Variants in CLCN5 observed in about 807,000 individuals in gnomAD.
CLCN5 encodes the protein H(+)/Cl(-) exchange transporter 5.
A neutral mutation model predicts 54.0 loss-of-function variants in CLCN5; 17 were observed. That is an observed-to-expected ratio of 0.31 (90% CI 0.22 to 0.47). The LOEUF (loss-of-function observed/expected upper bound fraction) is 0.47. Among genes scored for constraint, CLCN5 ranks in the 20% least tolerant of loss-of-function variants. CLCN5 has a pLI of 1.00. For missense variants in CLCN5, 448 were observed against 646.7 expected (o/e 0.69, Z 3.33); for synonymous variants, 222 against 233.0 (o/e 0.95, Z 0.43).
At chrX:49,934,570 C>A (rs782060215) in intron 3 of CLCN5, among the ~76,000 whole-genome samples, 3 of 111,515 alleles carry the variant, frequency 2.7e-5, no homozygotes, top group Non-Finnish European at 5.6e-5. Flanking sequence ...ATTTTCAACC[C>A]AATACCATTC....
chrX:50,072,729 A>G (rs1431455507), intron 6 of CLCN5, 141 bp downstream of exon 6: 6 of 511,716 alleles, frequency 1.2e-5, no homozygotes, highest in East Asian at 1.1e-4. Context: ...TAGAAGCTCA[A>G]TGTCCCCATC....
chrX:49,945,895 T>C (rs1926707274), intron 3 of CLCN5, among the ~76,000 whole-genome samples: 1 of 108,989 alleles, frequency 9.2e-6, no homozygotes, highest in Non-Finnish European at 1.9e-5. Context: ...TAGCTGGGAC[T>C]ACAGGCACAC....
At chrX:49,999,249 C>T (rs995784970) in intron 3 of CLCN5, among the ~76,000 whole-genome samples, 11 of 111,000 alleles carry the variant, frequency 9.9e-5, no homozygotes, top group African/African-American at 3.6e-4. Context: ...ACCTGTTTGT[C>T]TCACATGCCT....
intron 4 of CLCN5, among the ~76,000 whole-genome samples, chrX:50,051,621 A>G (rs1221677857): frequency 1.8e-5 from 2 of 112,238 alleles, no homozygotes; most frequent in African/African-American, 3.2e-5. Context: ...TGAAATCTCA[A>G]TAATACTGAG....
intron 12 of CLCN5, among the ~76,000 whole-genome samples, chrX:50,089,364 A>G (rs782283648): frequency 8.9e-6 from 1 of 112,474 alleles, no homozygotes; most frequent in South Asian, 3.7e-4. Flanking sequence ...TAGAGGGGGA[A>G]ACATGGCAGA....
At chrX:50,016,964 T>C (rs782344616) in intron 3 of CLCN5, among the ~76,000 whole-genome samples, 2 of 111,610 alleles carry the variant, frequency 1.8e-5, no homozygotes, top group East Asian at 5.6e-4. Context: ...GTAACCAGCT[T>C]ATTTCTTTTT....
chrX:50,026,385 G>A (rs146845848), intron 3 of CLCN5, among the ~76,000 whole-genome samples: 1,748 of 111,743 alleles, frequency 0.016, 31 homozygotes, highest in African/African-American at 0.054. Flanking sequence ...ACTTGATCTA[G>A]TTGATGGATG....
chrX:50,094,758 G>A lies in CLCN5; in HGVS notation c.*2539G>A, dbSNP rs899604073. 1.8e-5 allele frequency: 2 copies of A among 112,526 alleles called. No individual in the cohort carries two copies. Among genetic ancestry groups the A allele is most frequent in the South Asian group, 3.7e-4 (1 of 2,700 alleles). The allele number at this position is 112,526 out of a possible 1,213,427, so 9.3% of individuals were successfully genotyped here. On this transcript the variant is annotated 3_prime_UTR_variant, in exon 15 of 15. Transcript: ENST00000376091. ...CTCATTCATTAACCTCAGCTTCTCA[G>A]GAATCCTTGTAGCTTGTATGCTAGA...
At chrX:49,949,515 G>A in intron 3 of CLCN5, among the ~76,000 whole-genome samples, 1 of 111,811 alleles carries the variant, frequency 8.9e-6, no homozygotes, top group South Asian at 3.8e-4. Flanking sequence ...CAGATAGATG[G>A]ACAATTTATT....
intron 14 of CLCN5, among the ~76,000 whole-genome samples, chrX:50,091,652 T>C (rs782069030): frequency 1.4e-4 from 16 of 111,630 alleles, no homozygotes; most frequent in Admixed American, 1.2e-3. Flanking sequence ...ATAAGACCCT[T>C]CTGTGCCCTC....
chrX:50,012,217 A>C (rs1256417857), intron 3 of CLCN5, among the ~76,000 whole-genome samples: 1 of 111,583 alleles, frequency 9.0e-6, no homozygotes, highest in African/African-American at 3.3e-5. Context: ...CTAGAGAACT[A>C]CAAAAGGTGT....
At chrX:50,054,299 G>C (rs1557188678) in intron 4 of CLCN5, 1 of 111,489 alleles carries the variant, frequency 9.0e-6, no homozygotes, top group Non-Finnish European at 1.9e-5. Flanking sequence ...GAGATAAGAA[G>C]GCTAGATGGG....
intron 3 of CLCN5, among the ~76,000 whole-genome samples, chrX:49,942,589 G>A (rs1272892389): frequency 1.1e-5 from 1 of 90,856 alleles, no homozygotes; most frequent in Non-Finnish European, 2.1e-5. Context: ...GGTGTGTGAT[G>A]TTCCCCTTCC....
intron 3 of CLCN5, among the ~76,000 whole-genome samples, chrX:50,039,092 A>G (rs1557186836): frequency 9.0e-6 from 1 of 111,293 alleles, no homozygotes; most frequent in Non-Finnish European, 1.9e-5. Context: ...CAGCCTGGCC[A>G]AAATAGTGAG....
intron 4 of CLCN5, among the ~76,000 whole-genome samples, chrX:50,044,218 A>G (rs1271696426): frequency 8.9e-6 from 1 of 111,771 alleles, no homozygotes; most frequent in Non-Finnish European, 1.9e-5. Flanking sequence ...TATTATTGCT[A>G]CAACCCTGTA....
chrX:50,001,323 T>A lies in CLCN5; in HGVS notation c.17-40993T>A, dbSNP rs782620942. The stretch of plus-strand genomic sequence containing the variant: ...CACATATCCTGTCTAAAAATAATTT[T>A]AAAAATTAAAAAGCACTACCTTCTC... On this transcript the variant is annotated intron_variant, in intron 3 of 14. Transcript: ENST00000376091. 5.4e-5 allele frequency among the ~76,000 whole-genome samples: 6 copies of A among 110,875 alleles called. No individual in the cohort carries two copies. In the South Asian group the frequency reaches 2.4e-3, roughly 44 times the overall value.
intron 3 of CLCN5, among the ~76,000 whole-genome samples, chrX:50,031,824 T>C (rs1557185884): frequency 9.4e-6 from 1 of 106,021 alleles, no homozygotes; most frequent in Non-Finnish European, 1.9e-5. Flanking sequence ...ACCCATTAAC[T>C]CGTCATTTAG....
At chrX:49,981,372 A>G (rs1928721911) in intron 3 of CLCN5, among the ~76,000 whole-genome samples, 1 of 111,493 alleles carries the variant, frequency 9.0e-6, no homozygotes, top group Non-Finnish European at 1.9e-5. Flanking sequence ...CCTGTCTCTG[A>G]GCCTTACACA....
At chrX:49,966,620 A>AT (rs1557175500) in intron 3 of CLCN5, among the ~76,000 whole-genome samples, 4 of 18,359 alleles carry the variant, frequency 2.2e-4, no homozygotes, top group Admixed American at 1.6e-3. Flanking sequence ...TTATTTTTTT[A>AT]TTTTTTTTAT....
Sources: gnomAD v4.1 joint callset for allele counts (sites outside exome capture counted in the v4.1 genomes callset) on GRCh38, gnomAD v4.1.1 for gene constraint, MANE v1.5 for transcripts, NCBI Gene and HGNC (gene_info 2026-07-23, HGNC 2026-07-21) for gene names.